Variants in OXSR1 observed in about 807,000 individuals in gnomAD.
OXSR1 encodes the protein serine/threonine-protein kinase OSR1.
Under a neutral mutation model 79.8 loss-of-function variants are expected in OXSR1, and 24 were observed. That is an observed-to-expected ratio of 0.30 (90% CI 0.22 to 0.42). The LOEUF (loss-of-function observed/expected upper bound fraction) is 0.42. Among genes scored for constraint, OXSR1 ranks in the 10% least tolerant of loss-of-function variants. The probability of loss-of-function intolerance (pLI) is 1.00; values close to 1 mark genes in which losing one functional copy is unlikely to be tolerated. For synonymous variants in OXSR1, 226 were observed against 209.2 expected (o/e 1.08, Z -0.69); for missense variants, 430 against 618.4 (o/e 0.70, Z 3.23).
chr3:38,199,185 T>C (rs973421875), intron 4 of OXSR1, among the ~76,000 whole-genome samples: 11 of 152,286 alleles, frequency 7.2e-5, no homozygotes, highest in East Asian at 3.9e-4. Flanking sequence ...GTCTGTTGCT[T>C]TTTAAATTTT....
chr3:38,183,554 C>T (rs1407014844), intron 2 of OXSR1, among the ~76,000 whole-genome samples: 1 of 152,134 alleles, frequency 6.6e-6, no homozygotes, highest in Non-Finnish European at 1.5e-5. Flanking sequence ...ATAAACAATG[C>T]TTGCTTTTCT....
At chr3:38,181,378 C>T (rs1236315641) in intron 1 of OXSR1, among the ~76,000 whole-genome samples, 48 of 125,610 alleles carry the variant, frequency 3.8e-4, no homozygotes, top group African/African-American at 1.5e-3. Context: ...TTTTTTGAGA[C>T]AGAGTCTCAC....
At chr3:38,251,494 AT>A (rs1703255557) in intron 16 of OXSR1, 23 bp downstream of exon 16, 2 of 1,584,560 alleles carry the variant, frequency 1.3e-6, no homozygotes, top group Non-Finnish European at 1.7e-6. Context: ...CGTTCTGCTC[AT>A]GTGCTCCTGT....
Position 38,207,165 on chromosome 3 carries a change from A to G in OXSR1, c.434+8302A>G, listed in dbSNP as rs73827643. The stretch of plus-strand genomic sequence containing the variant: ...TTGTTTTTCTTGTATGAAAGCAGCT[A>G]TAGACAATCTGTAGCTGAATAGGCA... On this transcript the variant is annotated intron_variant, in intron 4 of 17. Coordinates refer to ENST00000311806, the MANE Select transcript of OXSR1 (RefSeq NM_005109.3). Among the ~76,000 whole-genome samples, 1,001 of 152,352 alleles carry G rather than the reference A, an allele frequency of 6.6e-3. 10 individuals carry two copies. The highest frequency in any genetic ancestry group is 0.023 in the African/African-American group (962 of 41,582).
chr3:38,225,365 G>A (rs892122226), intron 8 of OXSR1, among the ~76,000 whole-genome samples: 4 of 152,042 alleles, frequency 2.6e-5, no homozygotes, highest in Non-Finnish European at 5.9e-5. Flanking sequence ...AATCTTATCT[G>A]TCTGTTTCAC....
At chr3:38,196,162 G>A (rs2125818065) in intron 3 of OXSR1, among the ~76,000 whole-genome samples, 1 of 152,312 alleles carries the variant, frequency 6.6e-6, no homozygotes, top group South Asian at 2.1e-4. Context: ...AGTTGTGCGT[G>A]AGGACAAAAT....
At chr3:38,232,492 C>T (rs778215465) in intron 10 of OXSR1, among the ~76,000 whole-genome samples, 2 of 151,732 alleles carry the variant, frequency 1.3e-5, no homozygotes, top group Non-Finnish European at 2.9e-5. Context: ...CGGTGGCTCA[C>T]GCCTGTAATC....
rs1701425096 is a variant in OXSR1 at position 38,165,565 on chromosome 3, CG to C, written c.-309del. ...CCGTGCGTGGGGCTGGGGTGGAGGGCGGGACAGAGGGGCTGGGCCCAGGCAA... is the reference window on the plus strand; with the variant it reads ...CCGTGCGTGGGGCTGGGGTGGAGGGCGGACAGAGGGGCTGGGCCCAGGCAA... On this transcript the variant is annotated 5_prime_UTR_variant, in exon 1 of 18. Transcript: ENST00000311806. 2.8e-6 allele frequency: 1 copy of C among 357,574 alleles called. No homozygotes were observed. The highest frequency in any genetic ancestry group is 2.2e-5 in the African/African-American group (1 of 45,454). The allele number at this position is 357,574 out of a possible 1,614,324, so 22.2% of individuals were successfully genotyped here.
chr3:38,246,876 C>T (rs928365333), intron 13 of OXSR1, among the ~76,000 whole-genome samples: 4 of 152,134 alleles, frequency 2.6e-5, no homozygotes, highest in African/African-American at 7.2e-5. Context: ...TAAAGTAAGA[C>T]TTTCAACGTC....
chr3:38,170,871 T>C (rs1392671874), intron 1 of OXSR1, among the ~76,000 whole-genome samples: 1 of 152,198 alleles, frequency 6.6e-6, no homozygotes, highest in Non-Finnish European at 1.5e-5. Context: ...TATGAACTCC[T>C]GGCTCGAGTG....
chr3:38,243,737 C>G (rs1485889390), intron 12 of OXSR1, among the ~76,000 whole-genome samples: 1 of 152,186 alleles, frequency 6.6e-6, no homozygotes. Flanking sequence ...TTACATAGAA[C>G]TGTATTAAGA....
At chr3:38,221,728 T>C (rs544295403) in intron 6 of OXSR1, 41 bp downstream of exon 6, 1 of 1,234,982 alleles carries the variant, frequency 8.1e-7, no homozygotes, top group South Asian at 1.3e-5. Flanking sequence ...GTTAGGGCTT[T>C]GTTTTGAAAC....
intron 4 of OXSR1, among the ~76,000 whole-genome samples, chr3:38,214,949 T>A (rs994304016): frequency 6.6e-6 from 1 of 152,234 alleles, no homozygotes; most frequent in African/African-American, 2.4e-5. Context: ...CGTTCTTCCA[T>A]GAGCAGGCCT....
At chr3:38,187,219 A>G (rs1701901787) in intron 2 of OXSR1, among the ~76,000 whole-genome samples, 1 of 152,198 alleles carries the variant, frequency 6.6e-6, no homozygotes, top group African/African-American at 2.4e-5. Flanking sequence ...TTTTCATATT[A>G]TATAGAATAT....
At chr3:38,210,500 C>T (rs971083892) in intron 4 of OXSR1, among the ~76,000 whole-genome samples, 10 of 152,032 alleles carry the variant, frequency 6.6e-5, no homozygotes, top group Admixed American at 3.3e-4. Context: ...GTCTATACCC[C>T]GAGAATCTCA....
At chr3:38,212,513 A>G (rs960908188) in intron 4 of OXSR1, among the ~76,000 whole-genome samples, 1 of 152,212 alleles carries the variant, frequency 6.6e-6, no homozygotes, top group East Asian at 1.9e-4. Context: ...AGTTTAAGAT[A>G]TTTAAATGTA....
intron 1 of OXSR1, among the ~76,000 whole-genome samples, chr3:38,179,671 T>C (rs1701744461): frequency 6.6e-6 from 1 of 152,132 alleles, no homozygotes; most frequent in Admixed American, 6.5e-5. Context: ...TACTCAAGTA[T>C]ACCCAAATTC....
At chr3:38,222,078 G>T (rs1702600440) in intron 6 of OXSR1, among the ~76,000 whole-genome samples, 1 of 152,102 alleles carries the variant, frequency 6.6e-6, no homozygotes, top group Admixed American at 6.5e-5. Flanking sequence ...AACTCAGTAT[G>T]CTGCGAACCG....
At chr3:38,177,744 C>T (rs1351575213) in intron 1 of OXSR1, among the ~76,000 whole-genome samples, 1 of 151,942 alleles carries the variant, frequency 6.6e-6, no homozygotes, top group Non-Finnish European at 1.5e-5. Context: ...ACCACCATGC[C>T]TGGCTAATTT....
Sources: allele counts gnomAD v4.1 joint callset (sites outside exome capture counted in the v4.1 genomes callset), GRCh38; gene constraint gnomAD v4.1.1; transcripts MANE v1.5; gene names NCBI Gene and HGNC (gene_info 2026-07-23, HGNC 2026-07-21).